ARPC2: variants seen among roughly 807,000 people sequenced by gnomAD.
ARPC2 encodes actin related protein 2/3 complex subunit 2, also known as actin-related protein 2/3 complex subunit 2.
ARPC2 carries 4 observed loss-of-function variants against 38.6 expected under a neutral mutation model. The ratio of observed to expected loss-of-function variants is 0.10; its 90% CI spans 0.05 to 0.24. ARPC2 has a LOEUF of 0.24. Ranked by LOEUF, ARPC2 falls within the 10% of genes least tolerant of loss-of-function variation. ARPC2 has a pLI of 1.00. For synonymous variants in ARPC2, 125 were observed against 140.8 expected (o/e 0.89, Z 0.79); for missense variants, 229 against 387.3 (o/e 0.59, Z 3.43).
At chr2:218,237,768 T>C (rs1050827062) in intron 5 of ARPC2, among the ~76,000 whole-genome samples, 4 of 151,054 alleles carry the variant, frequency 2.6e-5, no homozygotes, top group Non-Finnish European at 4.4e-5. Flanking sequence ...GGTTTTGCCA[T>C]GTTGGCCAGA....
intron 7 of ARPC2, 101 bp downstream of exon 7, chr2:218,239,585 A>T (rs1689859825): frequency 4.4e-6 from 4 of 900,686 alleles, no homozygotes; most frequent in Non-Finnish European, 6.8e-6. Context: ...AACTCTACTG[A>T]TGTTAGAATT....
intron 3 of ARPC2, chr2:218,226,929 C>T (rs1689511398): frequency 2.2e-6 from 1 of 450,746 alleles, no homozygotes; most frequent in African/African-American, 2.0e-5. Flanking sequence ...TTCATCAAGT[C>T]AGAGAGAGAT....
At chr2:218,237,175 G>A (rs948880267) in intron 5 of ARPC2, among the ~76,000 whole-genome samples, 2 of 151,778 alleles carry the variant, frequency 1.3e-5, no homozygotes, top group Admixed American at 1.3e-4. Context: ...CCCTATCTCC[G>A]CACCCCCTGC....
chr2:218,244,733 C>T (rs1689991822), intron 7 of ARPC2, among the ~76,000 whole-genome samples: 1 of 152,212 alleles, frequency 6.6e-6, no homozygotes, highest in African/African-American at 2.4e-5. Flanking sequence ...TTCAGAACTC[C>T]TAAAACAAGA....
At chr2:218,233,673 G>GT (rs11377348) in intron 4 of ARPC2, 57,047 of 150,852 alleles carry the variant, frequency 0.38, 11,831 homozygotes, top group Middle Eastern at 0.52. Context: ...GAGAGTCCTG[G>GT]TTTTTTCTCT....
intron 5 of ARPC2, chr2:218,235,606 AAG>A (rs1447170614): frequency 7.9e-5 from 12 of 152,190 alleles, no homozygotes; most frequent in African/African-American, 2.9e-4. Context: ...TATTAAAAGA[AAG>A]AAACAAACAG....
chr2:218,225,404 A>G (rs1689473336), intron 2 of ARPC2, among the ~76,000 whole-genome samples: 1 of 152,234 alleles, frequency 6.6e-6, no homozygotes, highest in South Asian at 2.1e-4. Context: ...AAAGGAAGAA[A>G]GAAAGATGAG....
At chr2:218,252,656 G>A (rs577031313) in intron 10 of ARPC2, among the ~76,000 whole-genome samples, 25 of 152,160 alleles carry the variant, frequency 1.6e-4, no homozygotes, top group Admixed American at 9.8e-4. Context: ...TAACCGGACT[G>A]GAAGGCTGGG....
chr2:218,250,663 C>A (rs865979442), intron 10 of ARPC2, among the ~76,000 whole-genome samples: 270 of 120,000 alleles, frequency 2.2e-3, no homozygotes, highest in African/African-American at 2.6e-3. Context: ...GACTTAGTCT[C>A]AAAAAAAAAA....
At chr2:218,217,406 T>C (rs2106139689) in intron 1 of ARPC2, 57 bp from the exon 2 acceptor site, 1 of 1,555,798 alleles carries the variant, frequency 6.4e-7, no homozygotes, top group East Asian at 2.3e-5. Context: ...GCTCCCTCCG[T>C]CCTTGCCTCC....
intron 10 of ARPC2, among the ~76,000 whole-genome samples, chr2:218,250,224 C>G (rs1690152575): frequency 6.6e-6 from 1 of 152,168 alleles, no homozygotes; most frequent in African/African-American, 2.4e-5. Context: ...TTTTGGTGGT[C>G]TTTCTGGAGA....
chr2:218,250,268 G>T (rs140499526), intron 10 of ARPC2, among the ~76,000 whole-genome samples: 27 of 152,256 alleles, frequency 1.8e-4, no homozygotes, highest in African/African-American at 6.3e-4. Context: ...CTTTAATTGG[G>T]TAAATAGGCC....
intron 4 of ARPC2, among the ~76,000 whole-genome samples, chr2:218,231,591 A>G (rs375595965): frequency 1.3e-5 from 2 of 152,156 alleles, no homozygotes; most frequent in East Asian, 3.8e-4. Context: ...CTGAAGGTCA[A>G]GTCTCTCTGT....
intron 10 of ARPC2, 105 bp from the exon 11 acceptor site, chr2:218,253,786 A>G: frequency 2.2e-6 from 3 of 1,381,914 alleles, no homozygotes; most frequent in Non-Finnish European, 2.0e-6. Context: ...AGCCCTTTCC[A>G]CCTCTCATTT....
intron 10 of ARPC2, 126 bp downstream of exon 10, chr2:218,250,047 A>C: frequency 1.3e-6 from 1 of 764,974 alleles, no homozygotes. Flanking sequence ...AGCAGGGCTA[A>C]GTAGATAAAC....
chr2:218,247,834 C>A (rs1279752261), intron 8 of ARPC2, among the ~76,000 whole-genome samples: 2 of 151,910 alleles, frequency 1.3e-5, no homozygotes, highest in African/African-American at 4.8e-5. Flanking sequence ...TCCCAGCTAC[C>A]CTGAAGGCTG....
At chr2:218,248,279 A>G (rs935519107) in intron 8 of ARPC2, among the ~76,000 whole-genome samples, 1 of 152,246 alleles carries the variant, frequency 6.6e-6, no homozygotes, top group Non-Finnish European at 1.5e-5. Context: ...GCCAGGGCAC[A>G]TTGACACAGA....
intron 7 of ARPC2, among the ~76,000 whole-genome samples, chr2:218,241,054 TCTGAGATGG>T (rs1689901622): frequency 6.6e-6 from 1 of 152,232 alleles, no homozygotes; most frequent in African/African-American, 2.4e-5. Context: ...GCTGGTTTCT[TCTGAGATGG>T]CTCAGCATTC....
At chr2:218,217,827 C>T (rs1295564100) in intron 2 of ARPC2, among the ~76,000 whole-genome samples, 1 of 152,186 alleles carries the variant, frequency 6.6e-6, no homozygotes, top group Non-Finnish European at 1.5e-5. Flanking sequence ...ACCCTGGAGC[C>T]GGAACTCGCT....
Sources: allele counts gnomAD v4.1 joint callset (sites outside exome capture counted in the v4.1 genomes callset), GRCh38; gene constraint gnomAD v4.1.1; transcripts MANE v1.5; gene names NCBI Gene and HGNC (gene_info 2026-07-23, HGNC 2026-07-21).